The following EDIL3 variants were observed in gnomAD, a reference collection of about 807,000 sequenced individuals.
EDIL3 encodes the protein EGF like and discoidin domains 3, also known as EGF-like repeat and discoidin I-like domain-containing protein 3.
Under a neutral mutation model 67.4 loss-of-function variants are expected in EDIL3, and 37 were observed. That is an observed-to-expected ratio of 0.55 (90% CI 0.42 to 0.72). The LOEUF (loss-of-function observed/expected upper bound fraction) is 0.72, where lower values mean the gene tolerates loss of function less well. Among genes scored for constraint, EDIL3 ranks in the 30% least tolerant of loss-of-function variants. The pLI, the probability that EDIL3 is intolerant of heterozygous loss-of-function variation, is 0.00. For synonymous variants in EDIL3, 195 were observed against 196.3 expected (o/e 0.99, Z 0.05); for missense variants, 527 against 586.3 (o/e 0.90, Z 1.04).
intron 5 of EDIL3, among the ~76,000 whole-genome samples, chr5:84,121,207 A>C (rs1032993013): frequency 2.0e-5 from 3 of 152,028 alleles, no homozygotes; most frequent in African/African-American, 7.2e-5. Flanking sequence ...CTATCTGCTT[A>C]GTTGCTGAAA....
At chr5:84,030,218 C>T (rs1385135551) in intron 9 of EDIL3, among the ~76,000 whole-genome samples, 1 of 152,182 alleles carries the variant, frequency 6.6e-6, no homozygotes, top group African/African-American at 2.4e-5. Flanking sequence ...TATTTGTGCA[C>T]TTTTAGTTCA....
At chr5:84,364,291 A>G (rs1280888690) in intron 1 of EDIL3, among the ~76,000 whole-genome samples, 2 of 152,150 alleles carry the variant, frequency 1.3e-5, no homozygotes, top group Non-Finnish European at 2.9e-5. Flanking sequence ...CAAATAAGGG[A>G]ATTGAGGCTT....
intron 1 of EDIL3, among the ~76,000 whole-genome samples, chr5:84,269,411 TATC>T (rs1745419278): frequency 1.1e-5 from 1 of 90,528 alleles, no homozygotes; most frequent in South Asian, 3.8e-4. Context: ...GACATAGACA[TATC>T]ATTCAAAATT....
At chr5:84,363,446 CAAAAA>C (rs34829764) in intron 1 of EDIL3, among the ~76,000 whole-genome samples, 1 of 76,666 alleles carries the variant, frequency 1.3e-5, no homozygotes. Context: ...AAGACTCTGT[CAAAAA>C]AAAAAAAAAA....
chr5:84,250,366 AAAAT>A (rs1744998788), intron 2 of EDIL3, among the ~76,000 whole-genome samples: 1 of 152,222 alleles, frequency 6.6e-6, no homozygotes, highest in African/African-American at 2.4e-5. Flanking sequence ...GAAATATCAA[AAAAT>A]GTCCAGAGAA....
rs116729912 is a variant in EDIL3 at position 84,249,000 on chromosome 5, A to G, written c.196+5084T>C. Among the ~76,000 whole-genome samples the G allele has an allele frequency of 8.0e-3, 1,220 of 152,262 alleles. 13 individuals carry two copies. The highest frequency in any genetic ancestry group is 0.027 in the African/African-American group (1,140 of 41,550). ...TACAAAATCTCTTGTTTTTCTTAGT[A>G]AAAAGTTGAAATTTTTTTAAACACT... is the stretch of plus-strand genomic sequence containing the variant. On this transcript the variant is annotated intron_variant, in intron 2 of 10. Transcript: ENST00000296591.
intron 1 of EDIL3, among the ~76,000 whole-genome samples, chr5:84,373,939 A>G (rs536022360): frequency 6.6e-6 from 1 of 152,302 alleles, no homozygotes; most frequent in East Asian, 1.9e-4. Flanking sequence ...GGGATCTTCC[A>G]GGAAGTTTAA....
rs188191314 is a variant in EDIL3 at position 84,211,237 on chromosome 5, G to A, written c.226+18618C>T. On this transcript the variant is annotated intron_variant, in intron 3 of 10. Transcript: ENST00000296591. ...CATGAACAGCTTGGTGTGCAGGAGTGAGTCCTCACTATTAGTATCCGGGAT... is the reference window on the plus strand; with the variant it reads ...CATGAACAGCTTGGTGTGCAGGAGTAAGTCCTCACTATTAGTATCCGGGAT... 3.2e-4 allele frequency among the ~76,000 whole-genome samples: 48 copies of A among 152,284 alleles called. No individual in the cohort carries two copies. The East Asian group carries it at 7.6e-3, about 24-fold the overall frequency.
At chr5:84,103,495 T>C (rs1747404956) in intron 6 of EDIL3, among the ~76,000 whole-genome samples, 2 of 151,954 alleles carry the variant, frequency 1.3e-5, no homozygotes, top group South Asian at 4.1e-4. Flanking sequence ...ATATTCAGCA[T>C]CTATAAGAAA....
At chr5:84,101,291 C>T (rs1287889987) in intron 6 of EDIL3, among the ~76,000 whole-genome samples, 1 of 151,844 alleles carries the variant, frequency 6.6e-6, no homozygotes, top group East Asian at 1.9e-4. Context: ...GATAATTAAC[C>T]TGTTTGATTC....
intron 9 of EDIL3, among the ~76,000 whole-genome samples, chr5:84,049,839 A>G (rs915428751): frequency 7.9e-5 from 12 of 152,148 alleles, no homozygotes; most frequent in African/African-American, 1.2e-4. Context: ...CGATAGAAAT[A>G]GCATAACAAT....
intron 2 of EDIL3, among the ~76,000 whole-genome samples, chr5:84,232,170 A>T (rs1466892680): frequency 6.6e-6 from 1 of 152,226 alleles, no homozygotes. Flanking sequence ...ACTAGGTACT[A>T]TTTAAAGTGT....
At chr5:84,231,422 G>A (rs541350527) in intron 2 of EDIL3, among the ~76,000 whole-genome samples, 2 of 152,246 alleles carry the variant, frequency 1.3e-5, no homozygotes, top group East Asian at 3.9e-4. Flanking sequence ...TATGACACAA[G>A]CCAGTCCTAT....
At chr5:84,243,084 TGTGTGTAAATGAATG>T (rs947836522) in intron 2 of EDIL3, among the ~76,000 whole-genome samples, 2 of 152,070 alleles carry the variant, frequency 1.3e-5, no homozygotes, top group African/African-American at 4.8e-5. Flanking sequence ...TGTGTGTGTG[TGTGTGTAAATGAATG>T]GTGCACTCTG....
intron 6 of EDIL3, among the ~76,000 whole-genome samples, chr5:84,076,806 G>T (rs959966512): frequency 6.6e-6 from 1 of 152,064 alleles, no homozygotes; most frequent in African/African-American, 2.4e-5. Context: ...TGATACCCAG[G>T]TATGAATAAC....
chr5:83,997,891 T>C (rs1052410983), intron 9 of EDIL3, among the ~76,000 whole-genome samples: 5 of 152,112 alleles, frequency 3.3e-5, no homozygotes, highest in African/African-American at 1.2e-4. Flanking sequence ...CACAGTGGAA[T>C]GCAACACCAG....
chr5:83,964,751 A>G (rs996283137), intron 9 of EDIL3, among the ~76,000 whole-genome samples: 1 of 152,090 alleles, frequency 6.6e-6, no homozygotes, highest in African/African-American at 2.4e-5. Flanking sequence ...GTGATGGATT[A>G]GGACAAAAGA....
At chr5:84,310,658 A>C (rs999882710) in intron 1 of EDIL3, among the ~76,000 whole-genome samples, 10 of 152,168 alleles carry the variant, frequency 6.6e-5, no homozygotes, top group Non-Finnish European at 2.9e-5. Flanking sequence ...GCTGTGTCCT[A>C]AGGTCTTGCT....
At chr5:84,357,887 C>CAAAAAA in intron 1 of EDIL3, among the ~76,000 whole-genome samples, 1 of 79,256 alleles carries the variant, frequency 1.3e-5, no homozygotes, top group Non-Finnish European at 2.4e-5. Flanking sequence ...GACTCAGTCT[C>CAAAAAA]AAAAAAAAAA....
Sources: allele counts gnomAD v4.1 joint callset (sites outside exome capture counted in the v4.1 genomes callset), GRCh38; gene constraint gnomAD v4.1.1; transcripts MANE v1.5; gene names NCBI Gene and HGNC (gene_info 2026-07-23, HGNC 2026-07-21).